Variants in FOLH1 observed in about 807,000 individuals in gnomAD.
The protein encoded by FOLH1 is glutamate carboxypeptidase 2.
A neutral mutation model predicts 93.9 loss-of-function variants in FOLH1; 54 were observed. That is an observed-to-expected ratio of 0.57 (90% CI 0.46 to 0.72). The LOEUF is 0.72. FOLH1 is among the 30% of genes least tolerant of loss of function. The pLI, the probability that FOLH1 is intolerant of heterozygous loss-of-function variation, is 0.00. For missense variants in FOLH1, 571 were observed against 892.5 expected (o/e 0.64, Z 4.59); for synonymous variants, 249 against 303.6 (o/e 0.82, Z 1.87).
intron 17 of FOLH1, among the ~76,000 whole-genome samples, chr11:49,151,021 C>T (rs1856454787): frequency 6.6e-6 from 1 of 152,018 alleles, no homozygotes; most frequent in Non-Finnish European, 1.5e-5. Flanking sequence ...GGTAACAGCC[C>T]CATTTTGTAG....
Position 49,185,700 on chromosome 11 carries a change from T to C in FOLH1, c.795A>G (p.Gly265=), listed in dbSNP as rs1415424807. 1 of 1,613,872 alleles carries C rather than the reference T, an allele frequency of 6.2e-7. No individual in the cohort carries two copies. Among genetic ancestry groups the C allele is most frequent in the South Asian group, 1.1e-5 (1 of 91,064 alleles). The change falls in exon 6 of 19, where the codon GGA becomes GGG. Residue 265 remains glycine (G), a synonymous_variant. Transcript: ENST00000256999. ...RGNILNLNGA[G]DPLTPGYPAN... ...CTGGGTAACCTGGTGTGAGAGGGTCTCCTGCACCATTCAGATTTAGGATAT... is the reference window on the plus strand; with the variant it reads ...CTGGGTAACCTGGTGTGAGAGGGTCCCCTGCACCATTCAGATTTAGGATAT...
chr11:49,172,205 G>A (rs1455227737), intron 10 of FOLH1, among the ~76,000 whole-genome samples: 3 of 152,098 alleles, frequency 2.0e-5, no homozygotes, highest in African/African-American at 4.8e-5. Flanking sequence ...AATTGTCACA[G>A]TGATGTTTTG....
At position 49,164,878 on chromosome 11, in the gene FOLH1, G is replaced by A. The variant is rs1858172308; in HGVS notation, c.1373-106C>T. On this transcript the variant is annotated intron_variant, in intron 12 of 18. Transcript: ENST00000256999. Reference sequence around the variant, plus strand: ...TACCAGAATGATTGTTTTAAAACCTGATTTCAACTGTAACTCTCCAATGGC... The same window carrying A: ...TACCAGAATGATTGTTTTAAAACCTAATTTCAACTGTAACTCTCCAATGGC... 4.6e-6 allele frequency: 4 copies of A among 877,590 alleles called. No individual in the cohort carries two copies. In the African/African-American group the frequency reaches 5.1e-5, roughly 11 times the overall value. The allele number at this position is 877,590 out of a possible 1,614,324, so 54.4% of individuals were successfully genotyped here. A position where few individuals can be genotyped will look rare whatever the true frequency, so the allele number is the denominator to read the frequency against.
chr11:49,162,892 T>C (rs959100153), intron 13 of FOLH1: 6 of 152,110 alleles, frequency 3.9e-5, no homozygotes, highest in Admixed American at 1.3e-4. Flanking sequence ...TTACAGTACC[T>C]GGAGGAATCA....
At chr11:49,174,262 G>A (rs1282413680) in intron 9 of FOLH1, among the ~76,000 whole-genome samples, 1 of 152,136 alleles carries the variant, frequency 6.6e-6, no homozygotes, top group African/African-American at 2.4e-5. Context: ...CTGCTTGTAA[G>A]AAACATGCAA....
chr11:49,166,129 G>A (rs1221394920), intron 12 of FOLH1, among the ~76,000 whole-genome samples: 1 of 152,108 alleles, frequency 6.6e-6, no homozygotes, highest in African/African-American at 2.4e-5. Context: ...GTTGTCTGGT[G>A]GTAGTGTTTG....
At chr11:49,186,115 A>T in intron 5 of FOLH1, 1 of 529,750 alleles carries the variant, frequency 1.9e-6, no homozygotes, top group Non-Finnish European at 2.7e-6. Flanking sequence ...CCACTAGCTT[A>T]CAAATATAAT....
intron 10 of FOLH1, 92 bp from the exon 11 acceptor site, chr11:49,171,369 A>G (rs1222111315): frequency 1.1e-5 from 12 of 1,055,482 alleles, no homozygotes; most frequent in Non-Finnish European, 1.6e-5. Flanking sequence ...AAAAAAAAAA[A>G]GTCATTGATG....
chr11:49,198,124 T>C, intron 3 of FOLH1, among the ~76,000 whole-genome samples: 1 of 151,284 alleles, frequency 6.6e-6, no homozygotes, highest in South Asian at 2.1e-4. Flanking sequence ...AAGTAAATAA[T>C]GAAATAAAAT....
intron 2 of FOLH1, among the ~76,000 whole-genome samples, chr11:49,203,832 C>G (rs557109572): frequency 1.3e-5 from 2 of 152,294 alleles, no homozygotes; most frequent in South Asian, 2.1e-4. Flanking sequence ...GCTCTCCCCC[C>G]ACCCTCTAGA....
At chr11:49,175,557 G>A (rs959381922) in intron 8 of FOLH1, among the ~76,000 whole-genome samples, 5 of 152,142 alleles carry the variant, frequency 3.3e-5, no homozygotes, top group African/African-American at 1.2e-4. Context: ...TAAGAGGTCA[G>A]AATTATTGAT....
At chr11:49,166,844 G>A (rs144133183) in intron 12 of FOLH1, among the ~76,000 whole-genome samples, 1 of 152,124 alleles carries the variant, frequency 6.6e-6, no homozygotes, top group Non-Finnish European at 1.5e-5. Context: ...GATGACATAA[G>A]TAGCAAAGCT....
intron 15 of FOLH1, 81 bp downstream of exon 15, chr11:49,156,636 G>T: frequency 3.4e-6 from 5 of 1,464,342 alleles, no homozygotes; most frequent in Non-Finnish European, 4.8e-6. Flanking sequence ...TCTAATGCTT[G>T]AGTCACTTTT....
At chr11:49,195,865 T>A (rs1324423155) in intron 3 of FOLH1, among the ~76,000 whole-genome samples, 2 of 152,246 alleles carry the variant, frequency 1.3e-5, no homozygotes, top group East Asian at 1.9e-4. Context: ...ATACATTTTT[T>A]AAAAAATCGG....
chr11:49,167,739 G>A (rs1173820551), intron 12 of FOLH1, among the ~76,000 whole-genome samples: 3 of 151,974 alleles, frequency 2.0e-5, no homozygotes, highest in African/African-American at 7.2e-5. Flanking sequence ...ACTTGAGCCT[G>A]GGAAATCAAG....
chr11:49,155,901 T>G (rs914741690), intron 15 of FOLH1, among the ~76,000 whole-genome samples: 11 of 147,818 alleles, frequency 7.4e-5, no homozygotes, highest in Non-Finnish European at 1.5e-4. Flanking sequence ...CTGATATGAT[T>G]TGACTCTGTG....
intron 1 of FOLH1, chr11:49,206,691 A>T: frequency 7.5e-7 from 1 of 1,331,600 alleles, no homozygotes; most frequent in Non-Finnish European, 1.0e-6. Flanking sequence ...TCTGAAACTA[A>T]AACAAAATGC....
At chr11:49,165,358 G>A (rs561759907) in intron 12 of FOLH1, among the ~76,000 whole-genome samples, 1 of 152,264 alleles carries the variant, frequency 6.6e-6, no homozygotes, top group Admixed American at 6.5e-5. Flanking sequence ...CTAGAATCTG[G>A]CATTTAACCA....
intron 14 of FOLH1, among the ~76,000 whole-genome samples, chr11:49,157,204 C>G (rs1380217920): frequency 2.6e-5 from 4 of 151,814 alleles, no homozygotes; most frequent in Non-Finnish European, 5.9e-5. Context: ...ACTCAGAGCA[C>G]TGAGATATTT....
Sources: gnomAD v4.1 joint callset for allele counts (sites outside exome capture counted in the v4.1 genomes callset) on GRCh38, gnomAD v4.1.1 for gene constraint, MANE v1.5 for transcripts, NCBI Gene and HGNC (gene_info 2026-07-23, HGNC 2026-07-21) for gene names.